DYRK1A: variants seen among roughly 807,000 people sequenced by gnomAD.
The protein encoded by DYRK1A is dual specificity tyrosine phosphorylation regulated kinase 1A, also known as dual specificity tyrosine-phosphorylation-regulated kinase 1A.
A neutral mutation model predicts 79.7 loss-of-function variants in DYRK1A; 9 were observed. The observed-to-expected ratio is 0.11, with a 90% CI of 0.07 to 0.20. The LOEUF (loss-of-function observed/expected upper bound fraction) is 0.20. DYRK1A is among the 10% of genes least tolerant of loss of function. The pLI is 1.00. For missense variants in DYRK1A, 622 were observed against 956.0 expected (o/e 0.65, Z 4.61); for synonymous variants, 349 against 329.7 (o/e 1.06, Z -0.63).
At chr21:37,461,251 A>G (rs1244532711) in intron 2 of DYRK1A, among the ~76,000 whole-genome samples, 1 of 152,158 alleles carries the variant, frequency 6.6e-6, no homozygotes, top group African/African-American at 2.4e-5. Flanking sequence ...TTTAAGTTAT[A>G]CATTTATTTA....
chr21:37,404,482 A>G (rs1299725988), intron 1 of DYRK1A, among the ~76,000 whole-genome samples: 1 of 152,126 alleles, frequency 6.6e-6, no homozygotes, highest in African/African-American at 2.4e-5. Flanking sequence ...GCTCTCCTAC[A>G]TCCAGACTTC....
chr21:37,465,262 C>T (rs1390492319), intron 2 of DYRK1A, among the ~76,000 whole-genome samples: 1 of 152,174 alleles, frequency 6.6e-6, no homozygotes, highest in Non-Finnish European at 1.5e-5. Context: ...ACATTCAGAT[C>T]ATCCACAGCA....
intron 2 of DYRK1A, among the ~76,000 whole-genome samples, chr21:37,435,838 GTTC>G (rs751352771): frequency 3.3e-5 from 5 of 152,142 alleles, no homozygotes; most frequent in East Asian, 1.9e-4. Context: ...TGAATTCCCT[GTTC>G]TTCTTCTGTT....
At chr21:37,465,110 A>G (rs1306526668) in intron 2 of DYRK1A, among the ~76,000 whole-genome samples, 1 of 152,238 alleles carries the variant, frequency 6.6e-6, no homozygotes, top group African/African-American at 2.4e-5. Flanking sequence ...TACCATGTTT[A>G]CCAGCAGTCC....
intron 2 of DYRK1A, among the ~76,000 whole-genome samples, chr21:37,423,569 A>C (rs1270868415): frequency 2.0e-5 from 3 of 152,142 alleles, no homozygotes; most frequent in Non-Finnish European, 4.4e-5. Flanking sequence ...TATTTGATTA[A>C]GGGACCTCCC....
At chr21:37,456,687 G>A (rs1048938992) in intron 2 of DYRK1A, among the ~76,000 whole-genome samples, 11 of 152,242 alleles carry the variant, frequency 7.2e-5, no homozygotes, top group East Asian at 3.9e-4. Context: ...GGAAAAGGGC[G>A]CGGGCCCACC....
At chr21:37,479,594 GT>G (rs1569361972) in intron 4 of DYRK1A, among the ~76,000 whole-genome samples, 4 of 24,292 alleles carry the variant, frequency 1.6e-4, no homozygotes, top group African/African-American at 9.2e-4. Context: ...TTGGTGTTTT[GT>G]TTTTGTTTTT....
rs71328590 is a variant in DYRK1A at position 37,476,818 on chromosome 21, TC to T, written c.208-1378del. ...GACAAATAGTATAATCACCAAGGGT[TC>T]CCCCCCCCCCCAACCTTATTTGGAA... On this transcript the variant is annotated intron_variant, in intron 3 of 11. Coordinates refer to ENST00000647188, the MANE Select transcript of DYRK1A (RefSeq NM_001347721.2). 3.0e-3 allele frequency among the ~76,000 whole-genome samples: 237 copies of T among 78,110 alleles called. 8 individuals carry two copies. The highest frequency in any genetic ancestry group is 4.1e-3 in the Admixed American group (30 of 7,302). The allele number at this position is 78,110 out of a possible 152,430, so 51.2% of individuals were successfully genotyped here.
At position 37,508,137 on chromosome 21, in the gene DYRK1A, C is replaced by T. The variant is rs560892977; in HGVS notation, c.1644+1914C>T. On this transcript the variant is annotated intron_variant, in intron 11 of 11. Coordinates refer to ENST00000647188, the MANE Select transcript of DYRK1A (RefSeq NM_001347721.2). ...TATCTGGATTCACCACATCTTAATA[C>T]GTTTTTATTCTCCACCTTTCACTTT... 4.6e-5 allele frequency among the ~76,000 whole-genome samples: 7 copies of T among 152,274 alleles called. No individual in the cohort carries two copies. In the South Asian group the frequency reaches 8.3e-4, roughly 18 times the overall value.
chr21:37,421,274 C>G lies in DYRK1A; in HGVS notation c.10+890C>G, dbSNP rs534062239. The stretch of plus-strand genomic sequence containing the variant: ...TTTTGAATTGATACCTAACAGATGC[C>G]TAATTATATCATTGGTGTAGTTTTT... On this transcript the variant is annotated intron_variant, in intron 2 of 11. Coordinates refer to ENST00000647188, the MANE Select transcript of DYRK1A (RefSeq NM_001347721.2). Among the ~76,000 whole-genome samples, 73 of 151,954 alleles carry G rather than the reference C, an allele frequency of 4.8e-4. No homozygotes were observed. The Middle Eastern group carries it at 0.01, about 21-fold the overall frequency.
chr21:37,510,976 T>C (rs1180467978), intron 11 of DYRK1A, among the ~76,000 whole-genome samples: 1 of 152,080 alleles, frequency 6.6e-6, no homozygotes, highest in Non-Finnish European at 1.5e-5. Context: ...GCCAGAGTGG[T>C]CAGGGAAGGC....
At chr21:37,448,321 T>TA (rs1001474222) in intron 2 of DYRK1A, among the ~76,000 whole-genome samples, 2 of 152,200 alleles carry the variant, frequency 1.3e-5, no homozygotes, top group Middle Eastern at 3.2e-3. Context: ...TTTAAATTTT[T>TA]ACAATTTTTT....
At chr21:37,474,941 T>C (rs567595373) in intron 3 of DYRK1A, among the ~76,000 whole-genome samples, 63 of 152,332 alleles carry the variant, frequency 4.1e-4, no homozygotes, top group Non-Finnish European at 8.8e-5. Context: ...CAGAATACAG[T>C]GTTTCTGATT....
At chr21:37,414,609 A>G (rs1030889607) in intron 1 of DYRK1A, among the ~76,000 whole-genome samples, 3 of 152,152 alleles carry the variant, frequency 2.0e-5, no homozygotes, top group African/African-American at 7.2e-5. Context: ...TACATACTAC[A>G]TACTAAAGGA....
At chr21:37,395,730 C>T (rs1187838510) in intron 1 of DYRK1A, among the ~76,000 whole-genome samples, 1 of 152,068 alleles carries the variant, frequency 6.6e-6, no homozygotes, top group African/African-American at 2.4e-5. Flanking sequence ...TATTTTAATA[C>T]TAAGATTTTA....
chr21:37,371,593 T>A (rs1388846696), intron 1 of DYRK1A, among the ~76,000 whole-genome samples: 1 of 152,220 alleles, frequency 6.6e-6, no homozygotes, highest in Non-Finnish European at 1.5e-5. Context: ...TATCTTCTCT[T>A]CTAGAAAGCG....
Position 37,506,210 on chromosome 21 carries a change from C to G in DYRK1A, c.1631C>G (p.Thr544Arg), listed in dbSNP as rs767104700. The G allele has an allele frequency of 6.2e-7, 1 of 1,614,140 alleles. No homozygotes were observed. The highest frequency in any genetic ancestry group is 8.5e-7 in the Non-Finnish European group (1 of 1,180,026). Residue 544 changes from threonine to arginine, a missense_variant, in exon 11 of 12, where the codon ACA (threonine) becomes AGA (arginine). Coordinates refer to ENST00000647188, the MANE Select transcript of DYRK1A (RefSeq NM_001347721.2). ...TAAVQAMDCE[T>R]HSPQVRQQFP... is the part of the protein sequence containing the mutation. ...GCCGTGCAGGCCATGGACTGCGAGA[C>G]ACACAGTCCCCAGGTGAGCTCGCAC...
intron 2 of DYRK1A, among the ~76,000 whole-genome samples, chr21:37,463,100 T>A (rs1355518011): frequency 6.6e-6 from 1 of 152,142 alleles, no homozygotes; most frequent in Non-Finnish European, 1.5e-5. Flanking sequence ...ACGTCTTATA[T>A]GAGCAATTTC....
intron 1 of DYRK1A, among the ~76,000 whole-genome samples, chr21:37,411,124 G>A (rs896235028): frequency 7.3e-5 from 11 of 150,214 alleles, no homozygotes; most frequent in Admixed American, 6.0e-4. Context: ...TTGGGAGGCC[G>A]AGGTGGGTAG....
Sources: gnomAD v4.1 joint callset for allele counts (sites outside exome capture counted in the v4.1 genomes callset) on GRCh38, gnomAD v4.1.1 for gene constraint, MANE v1.5 for transcripts, NCBI Gene and HGNC (gene_info 2026-07-23, HGNC 2026-07-21) for gene names.